GRIK4: variants seen among roughly 807,000 people sequenced by gnomAD.
The protein encoded by GRIK4 is glutamate ionotropic receptor kainate type subunit 4.
A neutral mutation model predicts 104.9 loss-of-function variants in GRIK4; 40 were observed. The ratio of observed to expected loss-of-function variants is 0.38; its 90% CI spans 0.30 to 0.50. GRIK4 has a LOEUF of 0.50. GRIK4 is among the 20% of genes least tolerant of loss of function. The pLI is 0.93. For missense variants in GRIK4, 1,047 were observed against 1,308.1 expected, an observed-to-expected ratio of 0.80 and a Z score of 3.08; for synonymous variants, 485 against 524.9, an observed-to-expected ratio of 0.92 and a Z score of 1.04.
chr11:120,633,455 C>A (rs1027163558), intron 1 of GRIK4, among the ~76,000 whole-genome samples: 2 of 152,174 alleles, frequency 1.3e-5, no homozygotes, highest in African/African-American at 2.4e-5. Context: ...TGTGTGTGCT[C>A]GCATGCACCT....
At chr11:120,612,627 G>C (rs941861157) in intron 1 of GRIK4, among the ~76,000 whole-genome samples, 2 of 152,284 alleles carry the variant, frequency 1.3e-5, no homozygotes, top group East Asian at 1.9e-4. Context: ...AAATCCAAAG[G>C]GTTTTTCTGA....
At chr11:120,628,334 C>T (rs1016791740) in intron 1 of GRIK4, among the ~76,000 whole-genome samples, 3 of 152,274 alleles carry the variant, frequency 2.0e-5, no homozygotes, top group African/African-American at 4.8e-5. Context: ...TATCTTTAGC[C>T]ATGGTCCCAG....
intron 3 of GRIK4, among the ~76,000 whole-genome samples, chr11:120,732,537 C>T (rs1643938363): frequency 6.6e-6 from 1 of 152,088 alleles, no homozygotes; most frequent in South Asian, 2.1e-4. Context: ...GTACTGTTTT[C>T]ACTGTATTGA....
chr11:120,935,380 G>C (rs11218064), intron 13 of GRIK4, among the ~76,000 whole-genome samples: 3 of 150,428 alleles, frequency 2.0e-5, no homozygotes, highest in East Asian at 3.9e-4. Flanking sequence ...GTGAAACCCC[G>C]TCTCTACTAA....
intron 11 of GRIK4, among the ~76,000 whole-genome samples, chr11:120,881,145 A>G (rs1233934227): frequency 1.3e-5 from 2 of 152,226 alleles, no homozygotes; most frequent in African/African-American, 2.4e-5. Flanking sequence ...CACACTCCAG[A>G]TGGGGCTGAA....
rs923436087 is a variant in GRIK4 at position 120,873,806 on chromosome 11, G to A, written c.907-260G>A. 1.3e-4 allele frequency: 48 copies of A among 371,864 alleles called. No homozygotes were observed. In the Middle Eastern group the frequency reaches 2.8e-3, roughly 21 times the overall value. The allele number at this position is 371,864 out of a possible 1,614,324, so 23.0% of individuals were successfully genotyped here. On this transcript the variant is annotated intron_variant, in intron 9 of 20. Transcript: ENST00000527524. The stretch of plus-strand genomic sequence containing the variant: ...AAGGGTACACTTGAAGTCATGTGGG[G>A]CCCAAAGGGCCAGCACAAGGCTTCA...
At chr11:120,969,946 A>C (rs1441401860) in intron 19 of GRIK4, among the ~76,000 whole-genome samples, 2 of 152,152 alleles carry the variant, frequency 1.3e-5, no homozygotes, top group African/African-American at 4.8e-5. Context: ...CACTCAATGC[A>C]CTATGCTGCA....
At chr11:120,701,470 G>A (rs1450728870) in intron 3 of GRIK4, among the ~76,000 whole-genome samples, 1 of 152,034 alleles carries the variant, frequency 6.6e-6, no homozygotes, top group Non-Finnish European at 1.5e-5. Context: ...TTTTAAGGGT[G>A]AGTAGTATGC....
Position 120,905,207 on chromosome 11 carries a change from T to C in GRIK4, c.1273-83T>C. 1.0e-6 allele frequency: 1 copy of C among 991,278 alleles called. No individual in the cohort carries two copies. Among genetic ancestry groups the C allele is most frequent in the Non-Finnish European group, 1.6e-6 (1 of 619,348 alleles). The allele number at this position is 991,278 out of a possible 1,614,324, so 61.4% of individuals were successfully genotyped here. On this transcript the variant is annotated intron_variant, in intron 12 of 20. Coordinates refer to ENST00000527524, the MANE Select transcript of GRIK4 (RefSeq NM_014619.5). This position sits in a 1 kb window ranked among gnomAD's most constrained non-coding sequence, Gnocchi z 5.1. ...TTCTGCCCCATGTCCTCCCCGACCC[T>C]CTGTGCCCCTGGCCCTCCCCATCAC...
At chr11:120,597,048 T>C (rs1021868615) in intron 1 of GRIK4, among the ~76,000 whole-genome samples, 4 of 152,184 alleles carry the variant, frequency 2.6e-5, no homozygotes, top group African/African-American at 9.7e-5. Flanking sequence ...CATCCAGTTC[T>C]CCCCTCACTT....
At chr11:120,786,671 C>T (rs1952284148) in intron 3 of GRIK4, among the ~76,000 whole-genome samples, 1 of 152,144 alleles carries the variant, frequency 6.6e-6, no homozygotes, top group African/African-American at 2.4e-5. Context: ...ATGTACATAT[C>T]AGAGCAGCTA....
chr11:120,644,057 GAGGAGA>G (rs760559909), intron 1 of GRIK4, among the ~76,000 whole-genome samples: 25 of 99,308 alleles, frequency 2.5e-4, no homozygotes, highest in African/African-American at 7.5e-4. Context: ...GAGAGAGAGA[GAGGAGA>G]GAGAGAGAGA....
chr11:120,681,353 C>T (rs1950190619), intron 3 of GRIK4, among the ~76,000 whole-genome samples: 1 of 152,136 alleles, frequency 6.6e-6, no homozygotes, highest in Non-Finnish European at 1.5e-5. Flanking sequence ...CCTCAGTTTT[C>T]TCCTCCTGTG....
chr11:120,953,034 G>C lies in GRIK4; in HGVS notation c.1700+70G>C, dbSNP rs1944044633. On this transcript the variant is annotated intron_variant, in intron 15 of 20. Coordinates refer to ENST00000527524, the MANE Select transcript of GRIK4 (RefSeq NM_014619.5). This position sits in a 1 kb window ranked among gnomAD's most constrained non-coding sequence, Gnocchi z 4.9. ...TCCACCTCTGGGAACTGCATGGGGA[G>C]GGGGTGGGGAGGAGGAGAGGGGGAG... 2 of 986,436 alleles carry C rather than the reference G, an allele frequency of 2.0e-6. No homozygotes were observed. Among genetic ancestry groups the C allele is most frequent in the Non-Finnish European group, 3.2e-6 (2 of 622,554 alleles). 61.1% of individuals were successfully genotyped at this position (986,436 alleles called of 1,614,324 possible). A position where few individuals can be genotyped will look rare whatever the true frequency, so the allele number is the denominator to read the frequency against.
intron 1 of GRIK4, among the ~76,000 whole-genome samples, chr11:120,514,308 C>T (rs191238976): frequency 6.6e-5 from 10 of 152,142 alleles, no homozygotes; most frequent in African/African-American, 2.4e-4. Flanking sequence ...CATTTGATCT[C>T]TACTACAGCC....
At chr11:120,763,819 T>C (rs931710954) in intron 3 of GRIK4, among the ~76,000 whole-genome samples, 9 of 152,120 alleles carry the variant, frequency 5.9e-5, no homozygotes, top group Non-Finnish European at 1.3e-4. Context: ...CTGTTTGTTA[T>C]GATTTCCATT....
chr11:120,675,963 T>C (rs1950093570), intron 3 of GRIK4, among the ~76,000 whole-genome samples: 1 of 152,230 alleles, frequency 6.6e-6, no homozygotes. Context: ...GTCAGAAGTC[T>C]TAACTGAGCT....
At chr11:120,747,072 T>A (rs983984888) in intron 3 of GRIK4, among the ~76,000 whole-genome samples, 1 of 152,224 alleles carries the variant, frequency 6.6e-6, no homozygotes, top group Non-Finnish European at 1.5e-5. Flanking sequence ...CTGTGAGGTA[T>A]GGCATCCCTG....
intron 3 of GRIK4, among the ~76,000 whole-genome samples, chr11:120,783,384 C>T (rs978945372): frequency 6.6e-6 from 1 of 152,076 alleles, no homozygotes; most frequent in African/African-American, 2.4e-5. Context: ...CTCCCCCTTT[C>T]TTCCCTTCCT....
Sources: allele counts gnomAD v4.1 joint callset (sites outside exome capture counted in the v4.1 genomes callset), GRCh38; gene constraint gnomAD v4.1.1; non-coding constraint Gnocchi (gnomAD v3.1); transcripts MANE v1.5; gene names NCBI Gene and HGNC (gene_info 2026-07-23, HGNC 2026-07-21).